The following DGKD variants were observed in gnomAD, a reference collection of about 807,000 sequenced individuals.
DGKD encodes diacylglycerol kinase delta, also known as DAG kinase delta.
In DGKD, 68 loss-of-function variants were observed where a neutral mutation model predicts 154.4. That is an observed-to-expected ratio of 0.44 (90% CI 0.36 to 0.54). DGKD has a LOEUF of 0.54. Ranked by LOEUF, DGKD falls within the 20% of genes least tolerant of loss-of-function variation. DGKD has a pLI of 0.00. For synonymous variants in DGKD, 693 were observed against 638.0 expected (o/e 1.09, Z -1.30); for missense variants, 1,343 against 1,593.6 (o/e 0.84, Z 2.68).
intron 3 of DGKD, among the ~76,000 whole-genome samples, chr2:233,399,122 G>A (rs10181037): frequency 0.015 from 2,252 of 152,334 alleles, 56 homozygotes; most frequent in African/African-American, 0.051. Context: ...AAAAAGGAAT[G>A]AAAGCAGTGG....
At position 233,388,378 on chromosome 2, in the gene DGKD, A is replaced by T. The variant is rs1248297822; in HGVS notation, c.267+11A>T. ...GCCAAAACGGCAAAGGTGAGGCCCCATGCAGGAAAGCACACGCGAGGACAT... is the reference window on the plus strand; with the variant it reads ...GCCAAAACGGCAAAGGTGAGGCCCCTTGCAGGAAAGCACACGCGAGGACAT... On this transcript the variant is annotated intron_variant, in intron 2 of 29. Transcript: ENST00000264057. 3 of 1,609,654 alleles carry T rather than the reference A, an allele frequency of 1.9e-6. No individual in the cohort carries two copies. In the African/African-American group the frequency reaches 4.0e-5, roughly 22 times the overall value.
chr2:233,423,125 G>A (rs535874153), intron 3 of DGKD, among the ~76,000 whole-genome samples: 3 of 152,072 alleles, frequency 2.0e-5, no homozygotes, highest in Non-Finnish European at 4.4e-5. Context: ...AGTATTCCAC[G>A]GGTGTACCAC....
intron 8 of DGKD, 28 bp downstream of exon 8, chr2:233,437,507 C>T (rs369085595): frequency 6.3e-7 from 1 of 1,595,858 alleles, no homozygotes; most frequent in Non-Finnish European, 8.6e-7. Flanking sequence ...TTATCCTTCT[C>T]ATGCACGCCC....
chr2:233,392,170 G>C (rs978189688), intron 3 of DGKD: 2 of 152,000 alleles, frequency 1.3e-5, no homozygotes, highest in Non-Finnish European at 2.9e-5. Context: ...GATTATAGTC[G>C]TGCACCGTTA....
intron 3 of DGKD, among the ~76,000 whole-genome samples, chr2:233,411,517 C>T (rs552494751): frequency 6.6e-6 from 1 of 152,170 alleles, no homozygotes; most frequent in Non-Finnish European, 1.5e-5. Context: ...GGACATTTAT[C>T]CATTTTTTTA....
chr2:233,368,286 G>A (rs1027551734), intron 1 of DGKD, among the ~76,000 whole-genome samples: 7 of 151,992 alleles, frequency 4.6e-5, no homozygotes, highest in African/African-American at 9.7e-5. Context: ...AGGCTCAGGC[G>A]ATCACTTGAG....
chr2:233,435,972 C>T, intron 6 of DGKD, 48 bp downstream of exon 6: 2 of 1,522,270 alleles, frequency 1.3e-6, no homozygotes, highest in Non-Finnish European at 1.8e-6. Context: ...GGGTCCCCCA[C>T]CTGCACGGCC....
At chr2:233,375,795 T>C (rs1474305546) in intron 1 of DGKD, among the ~76,000 whole-genome samples, 2 of 152,158 alleles carry the variant, frequency 1.3e-5, no homozygotes, top group Non-Finnish European at 2.9e-5. Flanking sequence ...CACATCAGCC[T>C]GTGTCTTTCT....
intron 2 of DGKD, chr2:233,388,778 C>T (rs1253768887): frequency 3.4e-5 from 3 of 88,912 alleles, no homozygotes; most frequent in African/African-American, 1.4e-4. Flanking sequence ...GGGAGTCTTG[C>T]TTTGTCGTCC....
chr2:233,441,997 T>G lies in DGKD; in HGVS notation c.1194+2T>G. On this transcript the variant is annotated splice_donor_variant, in intron 10 of 29. Transcript: ENST00000264057. LOFTEE classifies it high-confidence loss of function. The surrounding 1 kb of genome is among the most constrained non-coding windows in gnomAD (Gnocchi z 5.6). ...GACAGCCTCAACCTTCATAAACAGG[T>G]ACCAGGACAGGAGGGAGCCCAGCCA... 6.2e-7 allele frequency: 1 copy of G among 1,613,676 alleles called. No individual in the cohort carries two copies. The highest frequency in any genetic ancestry group is 8.5e-7 in the Non-Finnish European group (1 of 1,179,688).
chr2:233,392,901 A>G (rs1703723968), intron 3 of DGKD, among the ~76,000 whole-genome samples: 1 of 152,094 alleles, frequency 6.6e-6, no homozygotes, highest in African/African-American at 2.4e-5. Flanking sequence ...TTGCATTTCT[A>G]ATTTTATTAG....
At chr2:233,398,589 T>C (rs184592397) in intron 3 of DGKD, among the ~76,000 whole-genome samples, 4 of 152,302 alleles carry the variant, frequency 2.6e-5, no homozygotes, top group African/African-American at 9.6e-5. Context: ...TATTAAACTT[T>C]GTGTTATAGT....
At chr2:233,450,833 C>T (rs1215202735) in intron 16 of DGKD, 89 bp from the exon 17 acceptor site, 2 of 1,520,956 alleles carry the variant, frequency 1.3e-6, no homozygotes, top group East Asian at 2.3e-5. Flanking sequence ...CTCCTCAGCC[C>T]TCCCACCTGC....
At chr2:233,442,353 A>C (rs2062926454) in intron 10 of DGKD, 1 of 377,652 alleles carries the variant, frequency 2.6e-6, no homozygotes, top group Non-Finnish European at 5.1e-6. Context: ...ACGGCAGTAT[A>C]CTTGAGTTTC....
chr2:233,416,275 A>G (rs1214865428), intron 3 of DGKD, among the ~76,000 whole-genome samples: 7 of 152,182 alleles, frequency 4.6e-5, no homozygotes, highest in African/African-American at 1.2e-4. Context: ...TGTGGTAGCC[A>G]TTCTGTGGTT....
At position 233,458,204 on chromosome 2, in the gene DGKD, A is replaced by AGAGGGAGG. The variant is rs2063518550; in HGVS notation, c.2581-76_2581-69dup. 2.3e-6 allele frequency: 2 copies of AGAGGGAGG among 875,994 alleles called. No individual in the cohort carries two copies. The highest frequency in any genetic ancestry group is 3.7e-6 in the Non-Finnish European group (2 of 546,202). The allele number at this position is 875,994 out of a possible 1,614,324, so 54.3% of individuals were successfully genotyped here. A position where few individuals can be genotyped will look rare whatever the true frequency, so the allele number is the denominator to read the frequency against. Reference sequence around the variant, plus strand: ...CGCCAGCTAGGAGGGGCTGACCCCCAGAGGGAGGGAGTGAGGGTAGGGGCG... The same window carrying AGAGGGAGG: ...CGCCAGCTAGGAGGGGCTGACCCCCAGAGGGAGGGAGGGAGGGAGTGAGGGTAGGGGCG... On this transcript the variant is annotated intron_variant, in intron 21 of 29. Transcript: ENST00000264057. This position sits in a 1 kb window ranked among gnomAD's most constrained non-coding sequence, Gnocchi z 6.6.
At chr2:233,388,107 T>C in intron 1 of DGKD, 150 bp from the exon 2 acceptor site, 1 of 1,487,306 alleles carries the variant, frequency 6.7e-7, no homozygotes. Flanking sequence ...GTGCTGGGCC[T>C]GTGCATAGGT....
At position 233,454,622 on chromosome 2, in the gene DGKD, A is replaced by T. The variant is rs1208709623; in HGVS notation, c.2265-141A>T. On this transcript the variant is annotated intron_variant, in intron 18 of 29. Coordinates refer to ENST00000264057, the MANE Select transcript of DGKD (RefSeq NM_152879.3). ...TTTAAATTGGTAAATTATCTAGTGT[A>T]TATCTTAATAAATCTCTTAGCAGAC... 3.4e-5 allele frequency: 21 copies of T among 611,844 alleles called. No individual in the cohort carries two copies. In the East Asian group the frequency reaches 4.5e-4, roughly 13 times the overall value. 37.9% of individuals were successfully genotyped at this position (611,844 alleles called of 1,614,324 possible). A position where few individuals can be genotyped will look rare whatever the true frequency, so the allele number is the denominator to read the frequency against.
intron 28 of DGKD, among the ~76,000 whole-genome samples, chr2:233,468,198 C>T (rs2063888665): frequency 6.7e-6 from 1 of 148,162 alleles, no homozygotes; most frequent in Admixed American, 6.8e-5. Context: ...AGAGATGGCT[C>T]AGGTGCCAGC....
Sources: gnomAD v4.1 joint callset for allele counts (sites outside exome capture counted in the v4.1 genomes callset) on GRCh38, gnomAD v4.1.1 for gene constraint, Gnocchi (gnomAD v3.1) non-coding constraint, MANE v1.5 for transcripts, NCBI Gene and HGNC (gene_info 2026-07-23, HGNC 2026-07-21) for gene names.